The following HTR5A variants were observed in gnomAD, a reference collection of about 807,000 sequenced individuals.
HTR5A encodes 5-hydroxytryptamine receptor 5A, also known as 5-HT-5.
HTR5A carries 21 observed loss-of-function variants against 24.3 expected under a neutral mutation model. The observed-to-expected ratio is 0.86, with a 90% confidence interval of 0.61 to 1.24. The LOEUF is 1.24. HTR5A is among the 50% of genes most tolerant of loss of function. HTR5A has a pLI of 0.00. For synonymous variants in HTR5A, 260 were observed against 213.7 expected (o/e 1.22, Z -1.89); for missense variants, 497 against 489.5 (o/e 1.02, Z -0.15).
chr7:155,084,330 T>C lies in HTR5A; in HGVS notation c.917T>C (p.Leu306Pro). 1 of 1,614,142 alleles carries C rather than the reference T, an allele frequency of 6.2e-7. No homozygotes were observed. The highest frequency in any genetic ancestry group is 1.1e-5 in the South Asian group (1 of 91,080). Residue 306 changes from leucine to proline, a missense_variant, in exon 2 of 2, where the codon CTC becomes CCC. Leu to Pro is a moderately conservative substitution (Grantham distance 98, BLOSUM62 -3). Transcript: ENST00000287907. ...TGGATCCCCTTCTTTCTCACCGAGC[T>C]CATCAGTCCCCTCTGCTCCTGTGAC... The part of the protein sequence containing the change: ...LCWIPFFLTE[L>P]ISPLCSCDIP...
At chr7:155,082,729 C>T (rs1167088353) in intron 1 of HTR5A, among the ~76,000 whole-genome samples, 1 of 152,204 alleles carries the variant, frequency 6.6e-6, no homozygotes, top group African/African-American at 2.4e-5. Flanking sequence ...TCCCTCTTTC[C>T]TTTATGCTGA....
At chr7:155,073,363 A>G (rs1027123881) in intron 1 of HTR5A, among the ~76,000 whole-genome samples, 1 of 149,188 alleles carries the variant, frequency 6.7e-6, no homozygotes, top group African/African-American at 2.5e-5. Context: ...TGTTAATGGC[A>G]TGTAGTATAG....
In HTR5A at chr7:155,086,342, C is replaced by A. The variant is rs1334757629; in HGVS notation, c.*1855C>A. On this transcript the variant is annotated 3_prime_UTR_variant, in exon 2 of 2. Coordinates refer to ENST00000287907, the MANE Select transcript of HTR5A (RefSeq NM_024012.4). ...GAAAATCCATGTGAAAACTTTTAAT[C>A]CATAAATCGTGAGTGTCTTACTGTT... 6.6e-6 allele frequency among the ~76,000 whole-genome samples: 1 copy of A among 152,182 alleles called. No homozygotes were observed. Among genetic ancestry groups the A allele is most frequent in the Non-Finnish European group, 1.5e-5 (1 of 68,022 alleles).
rs1341611064 is a variant in HTR5A at position 155,085,625 on chromosome 7, A to G, written c.*1138A>G. On this transcript the variant is annotated 3_prime_UTR_variant, in exon 2 of 2. Coordinates refer to ENST00000287907, the MANE Select transcript of HTR5A (RefSeq NM_024012.4). ...TAAGTGATGATGCAGCATTTGGATGATCATGTAAAACCAGTGTCATTACAC... is the reference window on the plus strand; with the variant it reads ...TAAGTGATGATGCAGCATTTGGATGGTCATGTAAAACCAGTGTCATTACAC... 6.6e-6 allele frequency: 1 copy of G among 152,188 alleles called. No individual in the cohort carries two copies. The highest frequency in any genetic ancestry group is 1.5e-5 in the Non-Finnish European group (1 of 68,028). The allele number at this position is 152,188 out of a possible 1,614,324, so 9.4% of individuals were successfully genotyped here. A position where few individuals can be genotyped will look rare whatever the true frequency, so the allele number is the denominator to read the frequency against.
intron 1 of HTR5A, among the ~76,000 whole-genome samples, chr7:155,073,863 G>GTATATATATATATACGTATATATATA: frequency 1.5e-5 from 1 of 68,124 alleles, no homozygotes; most frequent in African/African-American, 5.3e-5. Flanking sequence ...ATGTGTGTGT[G>GTATATATATATATACGTATATATATA]TGTATATATA....
intron 1 of HTR5A, among the ~76,000 whole-genome samples, chr7:155,073,806 A>C (rs1348876139): frequency 2.7e-5 from 4 of 148,900 alleles, no homozygotes; most frequent in African/African-American, 9.9e-5. Flanking sequence ...AAGCATTATA[A>C]CATCTTTGTG....
chr7:155,071,945 A>G (rs918497091), intron 1 of HTR5A, among the ~76,000 whole-genome samples: 1 of 152,192 alleles, frequency 6.6e-6, no homozygotes, highest in Non-Finnish European at 1.5e-5. Flanking sequence ...CTATGGATCT[A>G]TAACACCCTT....
chr7:155,076,686 G>GTTACACCA (rs979471328), intron 1 of HTR5A, among the ~76,000 whole-genome samples: 1 of 152,144 alleles, frequency 6.6e-6, no homozygotes, highest in Non-Finnish European at 1.5e-5. Context: ...GGTGATGCAT[G>GTTACACCA]TTACACCAGG....
In HTR5A at chr7:155,084,510, A is replaced by C. The variant is rs1259212894; in HGVS notation, c.*23A>C. On this transcript the variant is annotated 3_prime_UTR_variant, in exon 2 of 2. Transcript: ENST00000287907. ...TGAGGGAGAGGACCAGGATTGAAAA[A>C]AGTTTCTTCCCATAATTCAGTGGAA... 1.3e-6 allele frequency: 2 copies of C among 1,563,592 alleles called. No homozygotes were observed. The highest frequency in any genetic ancestry group is 1.7e-6 in the Non-Finnish European group (2 of 1,149,838).
At chr7:155,071,711 C>G in intron 1 of HTR5A, 71 bp downstream of exon 1, 1 of 1,490,386 alleles carries the variant, frequency 6.7e-7, no homozygotes, top group East Asian at 2.3e-5. Context: ...GGCCACCTGC[C>G]CCACCCCCAC....
chr7:155,085,610 T>G lies in HTR5A; in HGVS notation c.*1123T>G, dbSNP rs796838349. ...ATGAGGTGAGGCAGTTAAGTGATGA[T>G]GCAGCATTTGGATGATCATGTAAAA... On this transcript the variant is annotated 3_prime_UTR_variant, in exon 2 of 2. Coordinates refer to ENST00000287907, the MANE Select transcript of HTR5A (RefSeq NM_024012.4). 4 of 152,254 alleles carry G rather than the reference T, an allele frequency of 2.6e-5. No individual in the cohort carries two copies. Among genetic ancestry groups the G allele is most frequent in the African/African-American group, 9.6e-5 (4 of 41,536 alleles). The allele number at this position is 152,254 out of a possible 1,614,324, so 9.4% of individuals were successfully genotyped here. A position where few individuals can be genotyped will look rare whatever the true frequency, so the allele number is the denominator to read the frequency against.
At chr7:155,082,278 T>A (rs1479677937) in intron 1 of HTR5A, among the ~76,000 whole-genome samples, 1 of 152,150 alleles carries the variant, frequency 6.6e-6, no homozygotes, top group Non-Finnish European at 1.5e-5. Flanking sequence ...GTGAACAGCA[T>A]CCATGGTGTT....
chr7:155,076,468 A>G (rs1795360548), intron 1 of HTR5A, among the ~76,000 whole-genome samples: 1 of 152,186 alleles, frequency 6.6e-6, no homozygotes, highest in African/African-American at 2.4e-5. Context: ...TTTGGGTAAG[A>G]AATTAAATTT....
At chr7:155,080,669 G>A (rs879069434) in intron 1 of HTR5A, among the ~76,000 whole-genome samples, 7 of 152,370 alleles carry the variant, frequency 4.6e-5, no homozygotes, top group Non-Finnish European at 7.3e-5. Flanking sequence ...GAGCAGAGCG[G>A]AATGCCCATC....
rs1032622279 is a variant in HTR5A, at chr7:155,070,347, G to C, written c.-553G>C. The stretch of plus-strand genomic sequence containing the variant: ...CCAGCATTCGCTCTCCGGAGCTGCA[G>C]CCTCCGAAGGGGTGGCGGGGGCAAC... On this transcript the variant is annotated 5_prime_UTR_variant, in exon 1 of 2. Transcript: ENST00000287907. 4.4e-6 allele frequency: 2 copies of C among 454,092 alleles called. No homozygotes were observed. Among genetic ancestry groups the C allele is most frequent in the Non-Finnish European group, 8.8e-6 (2 of 226,078 alleles). 28.1% of individuals were successfully genotyped at this position (454,092 alleles called of 1,614,324 possible).
chr7:155,071,683 G>A (rs771893609), intron 1 of HTR5A, 43 bp downstream of exon 1: 1 of 1,589,308 alleles, frequency 6.3e-7, no homozygotes, highest in Non-Finnish European at 8.6e-7. Context: ...ACTTGCATCT[G>A]TACAGGCTAT....
rs915285692 is a variant in HTR5A, at chr7:155,084,550, A to G, written c.*63A>G. On this transcript the variant is annotated 3_prime_UTR_variant, in exon 2 of 2. Transcript: ENST00000287907. ...ATTCAGTGGAATTCCCAGTTCATCC[A>G]TTTCCCATCCCCACCCAACAGCCAT... is the stretch of plus-strand genomic sequence containing the variant. 3 of 1,353,096 alleles carry G rather than the reference A, an allele frequency of 2.2e-6. No individual in the cohort carries two copies. The highest frequency in any genetic ancestry group is 1.3e-5 in the South Asian group (1 of 74,448). The allele number at this position is 1,353,096 out of a possible 1,614,324, so 83.8% of individuals were successfully genotyped here. A position where few individuals can be genotyped will look rare whatever the true frequency, so the allele number is the denominator to read the frequency against.
In HTR5A at chr7:155,084,193, G is replaced by A. The variant is rs771505360; in HGVS notation, c.780G>A (p.Thr260=). ...CCAAACAGCCCCAGATGGTGTTCAC[G>A]GTCCGCCACGCCACCGTCACCTTCC... ...DSAKQPQMVF[T]VRHATVTFQP... The change falls in exon 2 of 2, where the codon ACG becomes ACA. Residue 260 remains threonine, a synonymous_variant. Transcript: ENST00000287907. 11 of 1,613,142 alleles carry A rather than the reference G, an allele frequency of 6.8e-6. No individual in the cohort carries two copies. The highest frequency in any genetic ancestry group is 2.2e-5 in the East Asian group (1 of 44,876).
At chr7:155,080,769 CAGAATG>C (rs762551983) in intron 1 of HTR5A, among the ~76,000 whole-genome samples, 5 of 152,134 alleles carry the variant, frequency 3.3e-5, no homozygotes, top group Non-Finnish European at 5.9e-5. Flanking sequence ...GGAGTTTACT[CAGAATG>C]AGGCTTTCTG....
Sources: allele counts gnomAD v4.1 joint callset (sites outside exome capture counted in the v4.1 genomes callset), GRCh38; gene constraint gnomAD v4.1.1; transcripts MANE v1.5; gene names NCBI Gene and HGNC (gene_info 2026-07-23, HGNC 2026-07-21).